Variants in RAVER2 observed in about 807,000 individuals in gnomAD.
The protein encoded by RAVER2 is ribonucleoprotein PTB-binding 2.
A neutral mutation model predicts 78.1 loss-of-function variants in RAVER2; 46 were observed. The ratio of observed to expected loss-of-function variants is 0.59; its 90% CI spans 0.46 to 0.75. RAVER2 has a LOEUF of 0.75. RAVER2 is among the 30% of genes least tolerant of loss of function. The probability of loss-of-function intolerance (pLI) is 0.00; values close to 1 mark genes in which losing one functional copy is unlikely to be tolerated. For missense variants in RAVER2, 793 were observed against 837.5 expected (o/e 0.95, Z 0.66); for synonymous variants, 311 against 313.3 (o/e 0.99, Z 0.08).
At chr1:64,796,280 G>A (rs1653094181) in intron 5 of RAVER2, among the ~76,000 whole-genome samples, 1 of 151,816 alleles carries the variant, frequency 6.6e-6, no homozygotes, top group African/African-American at 2.4e-5. Context: ...GTTTTATTAT[G>A]CTGCCCTCAT....
At chr1:64,782,212 A>G (rs964920515) in intron 4 of RAVER2, among the ~76,000 whole-genome samples, 5 of 152,132 alleles carry the variant, frequency 3.3e-5, no homozygotes, top group Admixed American at 6.5e-5. Flanking sequence ...CCGCCTCTTT[A>G]TTCAAGAAGT....
intron 5 of RAVER2, among the ~76,000 whole-genome samples, chr1:64,794,779 T>C (rs1198053706): frequency 6.6e-6 from 1 of 152,168 alleles, no homozygotes; most frequent in Admixed American, 6.5e-5. Flanking sequence ...GCAAATATTT[T>C]TTTAACAGTG....
At chr1:64,747,301 T>C (rs1383235762) in intron 1 of RAVER2, among the ~76,000 whole-genome samples, 1 of 152,238 alleles carries the variant, frequency 6.6e-6, no homozygotes, top group Non-Finnish European at 1.5e-5. Context: ...TATTTTACTG[T>C]CAACTTACTG....
intron 3 of RAVER2, among the ~76,000 whole-genome samples, chr1:64,778,408 T>C (rs923536333): frequency 6.6e-6 from 1 of 152,148 alleles, no homozygotes; most frequent in African/African-American, 2.4e-5. Flanking sequence ...CCATCTTCTG[T>C]GTACCAGACA....
intron 5 of RAVER2, among the ~76,000 whole-genome samples, chr1:64,795,307 T>C (rs571636513): frequency 2.0e-5 from 3 of 152,270 alleles, no homozygotes; most frequent in African/African-American, 7.2e-5. Flanking sequence ...GTTCTTTGCA[T>C]TGACTTATAA....
rs570407882 is a variant in RAVER2, at chr1:64,814,364, A to G, written c.1793-340A>G. On this transcript the variant is annotated intron_variant, in intron 10 of 11. Coordinates refer to ENST00000294428, the Ensembl canonical transcript of RAVER2. ...GTGATCCTCCCACCTTGGCCTCTCA[A>G]AGTGCTGGAATTACAGGCATGAGCA... Among the ~76,000 whole-genome samples the G allele has an allele frequency of 5.3e-5, 8 of 152,176 alleles. No individual in the cohort carries two copies. The East Asian group carries it at 1.5e-3, about 29-fold the overall frequency.
chr1:64,761,594 C>T (rs1038430457), intron 1 of RAVER2, among the ~76,000 whole-genome samples: 1 of 151,958 alleles, frequency 6.6e-6, no homozygotes, highest in African/African-American at 2.4e-5. Context: ...CTAGAAAAGC[C>T]AAAAGCAATC....
rs1028239644 is a variant in RAVER2 at position 64,830,833 on chromosome 1, T to A, written c.1930-6T>A. 3 of 1,585,808 alleles carry A rather than the reference T, an allele frequency of 1.9e-6. No individual in the cohort carries two copies. The highest frequency in any genetic ancestry group is 2.6e-6 in the Non-Finnish European group (3 of 1,165,310). On this transcript the variant is annotated splice_region_variant and splice_polypyrimidine_tract_variant and intron_variant, in intron 11 of 11. Transcript: ENST00000294428. ...TAAAACTAGCTGCAATTTTATTTTC[T>A]CATAGGTGTCATCTTTAAGAAATGA...
At chr1:64,830,972 A>T in exon 12 of RAVER2, 1 of 1,613,750 alleles carries the variant, frequency 6.2e-7, no homozygotes, top group Non-Finnish European at 8.5e-7. Flanking sequence ...TTAAAAAAGA[A>T]GCGAGTATAC....
rs371388933 is a variant in RAVER2 at position 64,799,197 on chromosome 1, T to A, written c.1106-3779T>A. Among the ~76,000 whole-genome samples the A allele has an allele frequency of 8.0e-4, 122 of 152,358 alleles. 2 individuals carry two copies. Among genetic ancestry groups the A allele is most frequent in the African/African-American group, 2.9e-3 (119 of 41,586 alleles). ...GGAGAACATGCAGTATTTATCTTTA[T>A]GTGCCTGACTTGTTTCACTTAATAT... On this transcript the variant is annotated intron_variant, in intron 5 of 11. Transcript: ENST00000294428.
intron 10 of RAVER2, 38 bp downstream of exon 10, chr1:64,812,887 C>A: frequency 7.1e-7 from 1 of 1,410,444 alleles, no homozygotes; most frequent in Non-Finnish European, 9.7e-7. Flanking sequence ...TGGAGTTTTA[C>A]TGAATACTTT....
At chr1:64,774,414 A>G (rs1467139165) in intron 2 of RAVER2, among the ~76,000 whole-genome samples, 3 of 151,984 alleles carry the variant, frequency 2.0e-5, no homozygotes, top group African/African-American at 7.2e-5. Context: ...AGTTTTCCCA[A>G]TCCCTTTCTT....
rs1651503636 is a variant in RAVER2, at chr1:64,745,492, TC to T, written c.249+72del. The T allele has an allele frequency of 4.2e-6, 6 of 1,442,720 alleles. No individual in the cohort carries two copies. Among genetic ancestry groups the T allele is most frequent in the Non-Finnish European group, 5.5e-6 (6 of 1,083,474 alleles). The allele number at this position is 1,442,720 out of a possible 1,614,324, so 89.4% of individuals were successfully genotyped here. ...GCGGCGCTCCGTGTCCAGGCTGGGATCGGGGGCGCCTCAGAGCGGTCCTGGG... is the reference window on the plus strand; with the variant it reads ...GCGGCGCTCCGTGTCCAGGCTGGGATGGGGGCGCCTCAGAGCGGTCCTGGG... On this transcript the variant is annotated intron_variant, in intron 1 of 11. Transcript: ENST00000294428. The surrounding 1 kb of genome is among the most constrained non-coding windows in gnomAD (Gnocchi z 4.3).
chr1:64,778,131 A>G, intron 3 of RAVER2, 39 bp downstream of exon 3: 1 of 1,396,962 alleles, frequency 7.2e-7, no homozygotes, highest in South Asian at 1.4e-5. Flanking sequence ...ATTTTAAAAT[A>G]TATACATATG....
intron 6 of RAVER2, among the ~76,000 whole-genome samples, chr1:64,803,760 G>C (rs1653335217): frequency 6.6e-6 from 1 of 152,066 alleles, no homozygotes. Context: ...ATTTTATTGA[G>C]TATCTGACAT....
intron 4 of RAVER2, among the ~76,000 whole-genome samples, chr1:64,787,968 C>T (rs377042537): frequency 2.6e-5 from 4 of 152,252 alleles, no homozygotes; most frequent in Admixed American, 2.0e-4. Flanking sequence ...GAGAAGGTTC[C>T]AGTTGTCCTT....
At chr1:64,786,233 TC>T (rs1443775189) in intron 4 of RAVER2, among the ~76,000 whole-genome samples, 3 of 152,192 alleles carry the variant, frequency 2.0e-5, no homozygotes, top group Non-Finnish European at 4.4e-5. Context: ...GCTTTGATGT[TC>T]TTAAATGTCA....
intron 4 of RAVER2, among the ~76,000 whole-genome samples, chr1:64,783,254 A>G (rs967667722): frequency 2.0e-5 from 3 of 152,242 alleles, no homozygotes; most frequent in Middle Eastern, 6.8e-3. Context: ...CCAGTAATGG[A>G]ATAGCTGGGT....
intron 1 of RAVER2, among the ~76,000 whole-genome samples, chr1:64,756,405 C>G (rs1369519173): frequency 6.6e-6 from 1 of 152,104 alleles, no homozygotes; most frequent in Non-Finnish European, 1.5e-5. Flanking sequence ...TCATGGTTTC[C>G]TATTTAGTTC....
Sources: gnomAD v4.1 joint callset for allele counts (sites outside exome capture counted in the v4.1 genomes callset) on GRCh38, gnomAD v4.1.1 for gene constraint, Gnocchi (gnomAD v3.1) non-coding constraint, MANE v1.5 for transcripts, NCBI Gene and HGNC (gene_info 2026-07-23, HGNC 2026-07-21) for gene names.